Variants in PDLIM5 observed in about 807,000 individuals in gnomAD.
PDLIM5 encodes PDZ and LIM domain 5.
Under a neutral mutation model 64.2 loss-of-function variants are expected in PDLIM5, and 34 were observed. That is an observed-to-expected ratio of 0.53 (90% CI 0.40 to 0.71). PDLIM5 has a LOEUF of 0.71. Ranked by LOEUF, PDLIM5 falls within the 30% of genes least tolerant of loss-of-function variation. The probability of loss-of-function intolerance (pLI) is 0.00; values close to 1 mark genes in which losing one functional copy is unlikely to be tolerated. For missense variants in PDLIM5, 683 were observed against 733.6 expected, an observed-to-expected ratio of 0.93 and a Z score of 0.80; for synonymous variants, 253 against 269.1, an observed-to-expected ratio of 0.94 and a Z score of 0.59.
chr4:94,540,622 G>C (rs1394882146), intron 3 of PDLIM5, among the ~76,000 whole-genome samples: 1 of 152,176 alleles, frequency 6.6e-6, no homozygotes, highest in Non-Finnish European at 1.5e-5. Context: ...AATTGGGGTG[G>C]AGGAATGAGA....
chr4:94,535,071 AT>A (rs1390917637), intron 3 of PDLIM5, among the ~76,000 whole-genome samples: 2 of 152,228 alleles, frequency 1.3e-5, no homozygotes, highest in Non-Finnish European at 2.9e-5. Flanking sequence ...TTTCAGGACC[AT>A]ATTTTGTAAG....
At chr4:94,649,701 G>C (rs1741692876) in intron 9 of PDLIM5, among the ~76,000 whole-genome samples, 1 of 152,150 alleles carries the variant, frequency 6.6e-6, no homozygotes, top group African/African-American at 2.4e-5. Context: ...AATATTTGTA[G>C]AATGTATATT....
In PDLIM5 at chr4:94,500,009, C is replaced by T. The variant is rs71601220; in HGVS notation, c.97-23715C>T. 2.6e-3 allele frequency among the ~76,000 whole-genome samples: 394 copies of T among 152,256 alleles called. 2 individuals carry two copies. The highest frequency in any genetic ancestry group is 4.4e-3 in the Non-Finnish European group (300 of 68,012). On this transcript the variant is annotated intron_variant, in intron 2 of 12. Coordinates refer to ENST00000317968, the MANE Select transcript of PDLIM5 (RefSeq NM_006457.5). ...ACCAGTCCCTGGTGTCAAAAAGGTT[C>T]GGACTGCTGATTAAGGGACTTGAGC...
chr4:94,527,990 C>T (rs1370734516), intron 3 of PDLIM5, among the ~76,000 whole-genome samples: 2 of 152,186 alleles, frequency 1.3e-5, no homozygotes, highest in Admixed American at 6.5e-5. Flanking sequence ...GACAACAGCA[C>T]GTGCTATGGG....
intron 2 of PDLIM5, among the ~76,000 whole-genome samples, chr4:94,495,354 A>G (rs1336162678): frequency 2.0e-5 from 3 of 152,198 alleles, no homozygotes; most frequent in Admixed American, 6.5e-5. Flanking sequence ...CTGTGTAAGC[A>G]TGGTATTTTA....
intron 10 of PDLIM5, 114 bp from the exon 11 acceptor site, chr4:94,657,313 G>A: frequency 1.6e-6 from 1 of 640,518 alleles, no homozygotes; most frequent in Non-Finnish European, 2.7e-6. Flanking sequence ...AATGAAGTAT[G>A]TGTGCCTACT....
intron 3 of PDLIM5, among the ~76,000 whole-genome samples, chr4:94,526,692 A>G (rs1003811526): frequency 6.6e-6 from 1 of 151,840 alleles, no homozygotes; most frequent in Non-Finnish European, 1.5e-5. Context: ...TCTCTCTTAT[A>G]TCAAAGTAAG....
intron 8 of PDLIM5, among the ~76,000 whole-genome samples, chr4:94,618,578 TCAAA>T (rs1738973534): frequency 1.3e-5 from 2 of 152,214 alleles, no homozygotes; most frequent in Non-Finnish European, 2.9e-5. Context: ...TTTATTGCCA[TCAAA>T]CAATTACTGA....
chr4:94,515,449 T>G (rs944667227), intron 2 of PDLIM5, among the ~76,000 whole-genome samples: 1 of 152,202 alleles, frequency 6.6e-6, no homozygotes, highest in African/African-American at 2.4e-5. Flanking sequence ...GTTCTTAAAT[T>G]TTCTTGAGCT....
intron 2 of PDLIM5, among the ~76,000 whole-genome samples, chr4:94,506,815 C>T (rs576723738): frequency 3.3e-5 from 5 of 152,252 alleles, no homozygotes; most frequent in African/African-American, 1.2e-4. Flanking sequence ...AGTCAGTGGA[C>T]TTGGAAGAGG....
intron 9 of PDLIM5, among the ~76,000 whole-genome samples, chr4:94,644,743 A>G (rs1741274459): frequency 6.6e-6 from 1 of 151,892 alleles, no homozygotes; most frequent in South Asian, 2.1e-4. Flanking sequence ...GGATTTCACC[A>G]TGTTAACCAG....
At chr4:94,571,798 T>C (rs1305176970) in intron 3 of PDLIM5, among the ~76,000 whole-genome samples, 1 of 152,228 alleles carries the variant, frequency 6.6e-6, no homozygotes, top group Non-Finnish European at 1.5e-5. Context: ...TAGGTTTCCT[T>C]ATTCACTGGA....
chr4:94,587,840 T>C lies in PDLIM5; in HGVS notation c.920+1396T>C, dbSNP rs1736363637. On this transcript the variant is annotated intron_variant, in intron 7 of 12. Transcript: ENST00000317968. ...TAGACAATTTCTAGGTATTAACTAATAAGATATGGAAAAGATAGCTTTGCT... is the reference window on the plus strand; with the variant it reads ...TAGACAATTTCTAGGTATTAACTAACAAGATATGGAAAAGATAGCTTTGCT... The C allele has an allele frequency of 7.2e-6, 6 of 832,616 alleles. No individual in the cohort carries two copies. The South Asian group carries it at 2.2e-4, about 30-fold the overall frequency. The allele number at this position is 832,616 out of a possible 1,614,324, so 51.6% of individuals were successfully genotyped here.
intron 2 of PDLIM5, among the ~76,000 whole-genome samples, chr4:94,522,206 G>A (rs1246425575): frequency 6.6e-6 from 1 of 152,138 alleles, no homozygotes; most frequent in Admixed American, 6.5e-5. Context: ...GTGTAATCGT[G>A]ATAACCTGAT....
At chr4:94,537,159 T>C (rs1209612020) in intron 3 of PDLIM5, among the ~76,000 whole-genome samples, 1 of 152,176 alleles carries the variant, frequency 6.6e-6, no homozygotes, top group African/African-American at 2.4e-5. Flanking sequence ...TTTAATTTCT[T>C]GGGTAATATA....
At chr4:94,455,581 T>G (rs1421980021) in intron 2 of PDLIM5, 197 bp downstream of exon 2, 1 of 632,932 alleles carries the variant, frequency 1.6e-6, no homozygotes, top group East Asian at 2.7e-5. Context: ...ATTTAACTTC[T>G]TTTCGTTTTC....
chr4:94,655,289 C>T lies in PDLIM5; in HGVS notation c.1464+649C>T, dbSNP rs185691220. The stretch of plus-strand genomic sequence containing the variant: ...ACATGAATTTCTTGCTCTGGAATAC[C>T]TAGTTTCCAATGATAAAGTAAGGGT... On this transcript the variant is annotated intron_variant, in intron 10 of 12. Coordinates refer to ENST00000317968, the MANE Select transcript of PDLIM5 (RefSeq NM_006457.5). Among the ~76,000 whole-genome samples the T allele has an allele frequency of 3.4e-3, 523 of 151,982 alleles. 2 individuals carry two copies. The highest frequency in any genetic ancestry group is 9.8e-3 in the South Asian group (47 of 4,806).
chr4:94,579,570 G>A, intron 5 of PDLIM5: 2 of 1,273,706 alleles, frequency 1.6e-6, no homozygotes, highest in Non-Finnish European at 2.2e-6. Context: ...AGGAAATATG[G>A]TGATTTATAT....
chr4:94,584,096 C>T (rs1735965524), intron 5 of PDLIM5, among the ~76,000 whole-genome samples: 2 of 152,194 alleles, frequency 1.3e-5, no homozygotes, highest in South Asian at 2.1e-4. Flanking sequence ...TGATGACAGT[C>T]GTGTGGCCTG....
Sources: allele counts gnomAD v4.1 joint callset (sites outside exome capture counted in the v4.1 genomes callset), GRCh38; gene constraint gnomAD v4.1.1; transcripts MANE v1.5; gene names NCBI Gene and HGNC (gene_info 2026-07-23, HGNC 2026-07-21).